NUP153: variants seen among roughly 807,000 people sequenced by gnomAD.
NUP153 encodes nucleoporin 153, also known as nuclear pore complex protein Nup153.
In NUP153, 27 loss-of-function variants were observed where a neutral mutation model predicts 134.6. The observed-to-expected ratio is 0.20, with a 90% CI of 0.15 to 0.28. The LOEUF (loss-of-function observed/expected upper bound fraction) is 0.28, where lower values mean the gene tolerates loss of function less well. NUP153 is among the 10% of genes least tolerant of loss of function. NUP153 has a pLI of 1.00. For synonymous variants in NUP153, 640 were observed against 623.5 expected (o/e 1.03, Z -0.40); for missense variants, 1,821 against 1,731.3 (o/e 1.05, Z -0.92).
chr6:17,686,496 T>G (rs1768937719), intron 2 of NUP153, among the ~76,000 whole-genome samples: 1 of 151,330 alleles, frequency 6.6e-6, no homozygotes, highest in Non-Finnish European at 1.5e-5. Flanking sequence ...CCCGGGTTCA[T>G]GCCATTCTCC....
rs950751136 is a variant in NUP153 at position 17,633,277 on chromosome 6, T to C, written c.2465-433A>G. On this transcript the variant is annotated intron_variant, in intron 16 of 21. Transcript: ENST00000262077. ...AAATTGTAGGCAATATCCTAACATA[T>C]AAAATACACAGCCACAGACCATATG... 7.9e-5 allele frequency among the ~76,000 whole-genome samples: 12 copies of C among 152,138 alleles called. 1 individual carries two copies. The highest frequency in any genetic ancestry group is 5.8e-4 in the East Asian group (3 of 5,188).
chr6:17,689,596 G>GC (rs2113851852), intron 1 of NUP153, among the ~76,000 whole-genome samples: 1 of 151,478 alleles, frequency 6.6e-6, no homozygotes, highest in East Asian at 2.0e-4. Context: ...GAGTGCAACG[G>GC]TGCGATCTCG....
At chr6:17,616,796 C>A in intron 20 of NUP153, 101 bp from the exon 21 acceptor site, 1 of 1,158,468 alleles carries the variant, frequency 8.6e-7, no homozygotes, top group Non-Finnish European at 1.2e-6. Context: ...CTTGCCCAGG[C>A]TGGAGTACAG....
Position 17,615,778 on chromosome 6 carries a change from A to C in NUP153, c.*319T>G, listed in dbSNP as rs974723208. ...AGCGCACATAATGGTGTAGACAAAG[A>C]GGTTCTATACAAAGCCATTCACCGT... On this transcript the variant is annotated 3_prime_UTR_variant, in exon 22 of 22. Coordinates refer to ENST00000262077, the MANE Select transcript of NUP153 (RefSeq NM_005124.4). This position sits in a 1 kb window ranked among gnomAD's most constrained non-coding sequence, Gnocchi z 5.7. 1 of 237,530 alleles carries C rather than the reference A, an allele frequency of 4.2e-6. No homozygotes were observed. Among genetic ancestry groups the C allele is most frequent in the Non-Finnish European group, 8.1e-6 (1 of 123,106 alleles). 14.7% of individuals were successfully genotyped at this position (237,530 alleles called of 1,614,324 possible). A position where few individuals can be genotyped will look rare whatever the true frequency, so the allele number is the denominator to read the frequency against.
chr6:17,667,322 T>C (rs1484958631), intron 8 of NUP153, among the ~76,000 whole-genome samples: 1 of 152,204 alleles, frequency 6.6e-6, no homozygotes, highest in East Asian at 1.9e-4. Flanking sequence ...TCATTACAGA[T>C]AATAATTTAT....
Position 17,675,385 on chromosome 6 carries a change from T to C in NUP153, c.584-17A>G. The C allele has an allele frequency of 6.2e-7, 1 of 1,610,210 alleles. No individual in the cohort carries two copies. The highest frequency in any genetic ancestry group is 1.1e-5 in the South Asian group (1 of 90,688). ...CAGTTATATCTGAAACAAAATTACA[T>C]AATCCATAGTAATAACACCAATACA... On this transcript the variant is annotated splice_polypyrimidine_tract_variant and intron_variant, in intron 3 of 21. Transcript: ENST00000262077. This position sits in a 1 kb window ranked among gnomAD's most constrained non-coding sequence, Gnocchi z 4.4.
At chr6:17,616,737 AT>A in intron 20 of NUP153, 42 bp from the exon 21 acceptor site, 1 of 1,573,670 alleles carries the variant, frequency 6.4e-7, no homozygotes, top group Non-Finnish European at 8.7e-7. Context: ...GGGCAAAATG[AT>A]AGGTTTTTTT....
In NUP153 at chr6:17,649,527, TA is replaced by T. The variant is rs376726320; in HGVS notation, c.1396-228del. ...CCTTCTGTACCAATTTCCTAATTGG[TA>T]AAACTGAGGGAAAAAAGATAGTAAT... On this transcript the variant is annotated intron_variant, in intron 11 of 21. Coordinates refer to ENST00000262077, the MANE Select transcript of NUP153 (RefSeq NM_005124.4). 2.0e-3 allele frequency among the ~76,000 whole-genome samples: 296 copies of T among 151,586 alleles called. 2 individuals are homozygous for T. Among genetic ancestry groups the T allele is most frequent in the African/African-American group, 6.6e-3 (271 of 41,312 alleles).
intron 2 of NUP153, among the ~76,000 whole-genome samples, chr6:17,676,247 C>T (rs1310728709): frequency 2.0e-5 from 3 of 152,162 alleles, no homozygotes; most frequent in Admixed American, 6.5e-5. Context: ...TCACTGTTTT[C>T]CAAATGGTTA....
At chr6:17,687,091 T>C (rs1275432669) in intron 2 of NUP153, among the ~76,000 whole-genome samples, 1 of 152,184 alleles carries the variant, frequency 6.6e-6, no homozygotes. Flanking sequence ...CATAAATTCA[T>C]CCTGCTATTT....
In NUP153 at chr6:17,674,097, G is replaced by A. The variant is rs1051103092; in HGVS notation, c.852+808C>T. Among the ~76,000 whole-genome samples the A allele has an allele frequency of 2.0e-4, 30 of 152,226 alleles. 1 individual carries two copies. Among genetic ancestry groups the A allele is most frequent in the African/African-American group, 6.5e-4 (27 of 41,548 alleles). ...CTCAAAAGGTTACATATGACTAAAC[G>A]TATATGACATTCTGGAAAGGCCAAA... On this transcript the variant is annotated intron_variant, in intron 5 of 21. Coordinates refer to ENST00000262077, the MANE Select transcript of NUP153 (RefSeq NM_005124.4).
chr6:17,653,907 GAAC>G (rs1397502563), intron 11 of NUP153, among the ~76,000 whole-genome samples: 4 of 152,208 alleles, frequency 2.6e-5, no homozygotes, highest in South Asian at 4.1e-4. Context: ...GTTATAAAAA[GAAC>G]AACAAATATT....
intron 14 of NUP153, among the ~76,000 whole-genome samples, chr6:17,644,072 C>T (rs1441695349): frequency 1.3e-5 from 2 of 152,060 alleles, no homozygotes; most frequent in African/African-American, 2.4e-5. Flanking sequence ...GATAAGGTTG[C>T]AAACATACCA....
chr6:17,703,737 T>C (rs939102550), intron 1 of NUP153, among the ~76,000 whole-genome samples: 1 of 152,022 alleles, frequency 6.6e-6, no homozygotes, highest in Admixed American at 6.6e-5. Flanking sequence ...CAATATTAAA[T>C]AGCACCTACA....
At position 17,624,720 on chromosome 6, in the gene NUP153, G is replaced by C. The variant is rs752867169; in HGVS notation, c.4015C>G (p.Pro1339Ala). 2.5e-6 allele frequency: 4 copies of C among 1,614,150 alleles called. No individual in the cohort carries two copies. Among genetic ancestry groups the C allele is most frequent in the Non-Finnish European group, 3.4e-6 (4 of 1,180,026 alleles). ...GAAGATGATATAGATCCAAAGCCTG[G>C]GGGATTGGGCTGGCTGGCACCTTGA... ...QSQGASQPNP[P>A]GFGSISSSTA... Residue 1339 changes from proline (P) to alanine (A), a missense_variant, in exon 20 of 22, where the codon CCA becomes GCA. Physicochemically the swap from Pro to Ala is conservative, Grantham distance 27 (BLOSUM62 -1). Coordinates refer to ENST00000262077, the MANE Select transcript of NUP153 (RefSeq NM_005124.4).
At chr6:17,656,604 T>G (rs1188120243) in intron 11 of NUP153, among the ~76,000 whole-genome samples, 1 of 152,120 alleles carries the variant, frequency 6.6e-6, no homozygotes, top group Non-Finnish European at 1.5e-5. Context: ...CTCAAACTCC[T>G]GGGCTCAAGC....
At chr6:17,667,086 A>G (rs1245134025) in intron 8 of NUP153, among the ~76,000 whole-genome samples, 1 of 152,238 alleles carries the variant, frequency 6.6e-6, no homozygotes, top group Non-Finnish European at 1.5e-5. Context: ...ACTGTTATTG[A>G]TAAGAACTTA....
chr6:17,700,692 A>ATTTATTGTTT (rs1769997240), intron 1 of NUP153, among the ~76,000 whole-genome samples: 4 of 152,224 alleles, frequency 2.6e-5, no homozygotes, highest in Non-Finnish European at 5.9e-5. Flanking sequence ...AAATAAAAAC[A>ATTTATTGTTT]ATACTATCAT....
In NUP153 at chr6:17,637,238, G is replaced by A. The variant is rs771934902; in HGVS notation, c.2379C>T (p.Pro793=). Residue 793 remains proline, a synonymous_variant, in exon 16 of 22, where the codon CCC becomes CCT. Coordinates refer to ENST00000262077, the MANE Select transcript of NUP153 (RefSeq NM_005124.4). ...TLGFGDKFKR[P]IGSWECSVCC... ...ATACTGAACACTCCCAAGATCCAAT[G>A]GGCCTTTTGAATTTATCTCCAAATC... 7 of 1,614,002 alleles carry A rather than the reference G, an allele frequency of 4.3e-6. No individual in the cohort carries two copies. The African/African-American group carries it at 9.3e-5, about 22-fold the overall frequency.
Sources: gnomAD v4.1 joint callset for allele counts (sites outside exome capture counted in the v4.1 genomes callset) on GRCh38, gnomAD v4.1.1 for gene constraint, Gnocchi (gnomAD v3.1) non-coding constraint, MANE v1.5 for transcripts, NCBI Gene and HGNC (gene_info 2026-07-23, HGNC 2026-07-21) for gene names.